The following RBFOX1 variants were observed in gnomAD, a reference collection of about 807,000 sequenced individuals.
The protein encoded by RBFOX1 is RNA binding protein fox-1 homolog 1.
In RBFOX1, 8 loss-of-function variants were observed where a neutral mutation model predicts 57.7. The ratio of observed to expected loss-of-function variants is 0.14; its 90% CI spans 0.08 to 0.25. RBFOX1 has a LOEUF of 0.25. Among genes scored for constraint, RBFOX1 ranks in the 10% least tolerant of loss-of-function variants. RBFOX1 has a pLI of 1.00. For synonymous variants in RBFOX1, 326 were observed against 222.4 expected (o/e 1.47, Z -4.15); for missense variants, 611 against 548.5 (o/e 1.11, Z -1.14).
intron 3 of RBFOX1, among the ~76,000 whole-genome samples, chr16:5,779,675 G>C (rs1359692864): frequency 6.6e-6 from 1 of 152,124 alleles, no homozygotes; most frequent in East Asian, 1.9e-4. Context: ...TCTTCCAAAG[G>C]AGTTATTTTT....
chr16:6,487,687 AAAAAAAAAAAAAAATATATATATAT>A (rs1346848606), intron 2 of RBFOX1, among the ~76,000 whole-genome samples: 35 of 19,768 alleles, frequency 1.8e-3, no homozygotes, highest in African/African-American at 4.7e-3. Context: ...AAAAAAAAAA[AAAAAAAAAAAAAAATATATATATAT>A]ATATATATAT....
chr16:6,490,309 C>A (rs1051095028), intron 2 of RBFOX1, among the ~76,000 whole-genome samples: 11 of 152,188 alleles, frequency 7.2e-5, no homozygotes, highest in Admixed American at 2.6e-4. Flanking sequence ...AAAACCAAGA[C>A]AGAAGTAGAG....
At chr16:7,139,985 C>G (rs574373710) in intron 4 of RBFOX1, among the ~76,000 whole-genome samples, 7 of 152,080 alleles carry the variant, frequency 4.6e-5, no homozygotes, top group Admixed American at 1.3e-4. Flanking sequence ...ATATCCAAGT[C>G]AAGACTGCAG....
At chr16:6,764,107 G>A (rs116328712) in intron 3 of RBFOX1, among the ~76,000 whole-genome samples, 2,035 of 152,266 alleles carry the variant, frequency 0.013, 55 homozygotes, top group African/African-American at 0.045. Flanking sequence ...TGCATTTTCT[G>A]TGCCTCCCAG....
intron 4 of RBFOX1, among the ~76,000 whole-genome samples, chr16:6,003,239 A>C (rs541904736): frequency 1.3e-5 from 2 of 149,948 alleles, no homozygotes; most frequent in African/African-American, 4.9e-5. Flanking sequence ...AGATCGCGCC[A>C]CTGCACTCCA....
Position 5,782,835 on chromosome 16 carries a change from G to T in RBFOX1, c.319-84468G>T, listed in dbSNP as rs186391384. Among the ~76,000 whole-genome samples, 417 of 152,276 alleles carry T rather than the reference G, an allele frequency of 2.7e-3. 1 individual carries two copies. The highest frequency in any genetic ancestry group is 9.4e-3 in the African/African-American group (389 of 41,562). On this transcript the variant is annotated intron_variant, in intron 3 of 19. Coordinates refer to the RBFOX1 transcript ENST00000641259. Reference sequence around the variant, plus strand: ...AAGCTGATGTTGTAAATCCCAGTTGGAGGGTATGAGAAGATGAACTGAGAT... The same window carrying T: ...AAGCTGATGTTGTAAATCCCAGTTGTAGGGTATGAGAAGATGAACTGAGAT...
chr16:6,462,620 C>G (rs1463165391), intron 2 of RBFOX1, among the ~76,000 whole-genome samples: 7 of 152,034 alleles, frequency 4.6e-5, no homozygotes. Context: ...TTTCTGTTGG[C>G]TAAAATTCTC....
At chr16:7,663,175 C>A (rs2068218833) in intron 12 of RBFOX1, among the ~76,000 whole-genome samples, 1 of 152,172 alleles carries the variant, frequency 6.6e-6, no homozygotes, top group Non-Finnish European at 1.5e-5. Flanking sequence ...GGTGGCTCTG[C>A]CTTCTGACCC....
At chr16:7,207,649 A>G (rs916296880) in intron 4 of RBFOX1, among the ~76,000 whole-genome samples, 7 of 152,342 alleles carry the variant, frequency 4.6e-5, no homozygotes, top group African/African-American at 1.4e-4. Context: ...AACCTAAAGA[A>G]GGATGGAGCG....
intron 3 of RBFOX1, among the ~76,000 whole-genome samples, chr16:6,997,685 C>T (rs925993901): frequency 2.0e-4 from 30 of 152,104 alleles, no homozygotes; most frequent in African/African-American, 6.5e-4. Flanking sequence ...TGAAACTGAA[C>T]AGAAGAAAAC....
At chr16:7,652,391 G>A (rs1003516143) in intron 11 of RBFOX1, among the ~76,000 whole-genome samples, 1 of 152,084 alleles carries the variant, frequency 6.6e-6, no homozygotes, top group African/African-American at 2.4e-5. Flanking sequence ...TTTACCCAAG[G>A]GAAGATATCC....
At chr16:5,711,963 A>T (rs1202012106) in intron 3 of RBFOX1, among the ~76,000 whole-genome samples, 2 of 152,222 alleles carry the variant, frequency 1.3e-5, no homozygotes, top group African/African-American at 2.4e-5. Context: ...TGTGTAATTT[A>T]TACATGAAAG....
At chr16:7,294,441 T>G (rs530247797) in intron 4 of RBFOX1, among the ~76,000 whole-genome samples, 1 of 151,790 alleles carries the variant, frequency 6.6e-6, no homozygotes, top group African/African-American at 2.4e-5. Context: ...TCTTTTGACA[T>G]ATGTCAGTTG....
In RBFOX1 at chr16:5,440,220, C is replaced by T. The variant is rs572391390; in HGVS notation, c.220-26996C>T. The stretch of plus-strand genomic sequence containing the variant: ...GCCATAACATTTGGGCCTCCCACAG[C>T]CCTGGTAATTCTAGGATCTTTGGTT... On this transcript the variant is annotated intron_variant, in intron 1 of 2. Transcript: ENST00000585867. Among the ~76,000 whole-genome samples, 43 of 152,328 alleles carry T rather than the reference C, an allele frequency of 2.8e-4. 4 individuals carry two copies. In the South Asian group the frequency reaches 7.9e-3, roughly 28 times the overall value.
chr16:7,013,519 C>T lies in RBFOX1; in HGVS notation c.-15-38538C>T, dbSNP rs1035232263. Among the ~76,000 whole-genome samples, 10 of 152,220 alleles carry T rather than the reference C, an allele frequency of 6.6e-5. 1 individual carries two copies. The highest frequency in any genetic ancestry group is 5.2e-4 in the Admixed American group (8 of 15,282). ...ATCCTGCATTACACAGGACAGTCCCCAAAGCAAAGAATTGTCTGTATCAAA... is the reference window on the plus strand; with the variant it reads ...ATCCTGCATTACACAGGACAGTCCCTAAAGCAAAGAATTGTCTGTATCAAA... On this transcript the variant is annotated intron_variant, in intron 3 of 15. Coordinates refer to ENST00000550418, the MANE Select transcript of RBFOX1 (RefSeq NM_018723.4).
intron 3 of RBFOX1, among the ~76,000 whole-genome samples, chr16:6,813,675 A>G (rs2089337414): frequency 6.6e-6 from 1 of 152,090 alleles, no homozygotes; most frequent in African/African-American, 2.4e-5. Flanking sequence ...GAATTTCTTT[A>G]TCACCTTTCC....
chr16:6,504,048 C>G (rs1354014854), intron 2 of RBFOX1, among the ~76,000 whole-genome samples: 1 of 152,180 alleles, frequency 6.6e-6, no homozygotes, highest in Non-Finnish European at 1.5e-5. Context: ...TTTATTGTTT[C>G]AGCACCACTG....
At chr16:6,120,887 G>T (rs917006942) in intron 1 of RBFOX1, among the ~76,000 whole-genome samples, 1 of 152,194 alleles carries the variant, frequency 6.6e-6, no homozygotes, top group South Asian at 2.1e-4. Context: ...TGGATTTATG[G>T]TGGGGGCTGG....
intron 1 of RBFOX1, among the ~76,000 whole-genome samples, chr16:5,280,461 G>A (rs754411749): frequency 3.9e-4 from 60 of 152,192 alleles, no homozygotes; most frequent in Non-Finnish European, 7.2e-4. Context: ...CAATGAGTTA[G>A]GAAGAATTCC....
Sources: allele counts gnomAD v4.1 joint callset (sites outside exome capture counted in the v4.1 genomes callset), GRCh38; gene constraint gnomAD v4.1.1; transcripts MANE v1.5; gene names NCBI Gene and HGNC (gene_info 2026-07-23, HGNC 2026-07-21).